The following COL4A5 variants were observed in gnomAD, a reference collection of about 807,000 sequenced individuals.
COL4A5 encodes collagen alpha-5(IV) chain.
Under a neutral mutation model 130.2 loss-of-function variants are expected in COL4A5, and 26 were observed. That is an observed-to-expected ratio of 0.20 (90% CI 0.15 to 0.28). COL4A5 has a LOEUF of 0.28. Among genes scored for constraint, COL4A5 ranks in the 10% least tolerant of loss-of-function variants. COL4A5 has a pLI of 1.00. For missense variants in COL4A5, 1,131 were observed against 1,344.3 expected, an observed-to-expected ratio of 0.84 and a Z score of 2.48; for synonymous variants, 496 against 439.6, an observed-to-expected ratio of 1.13 and a Z score of -1.60.
chrX:108,533,057 C>A (rs1184000272), intron 1 of COL4A5, among the ~76,000 whole-genome samples: 5 of 111,301 alleles, frequency 4.5e-5, no homozygotes, highest in African/African-American at 1.6e-4. Flanking sequence ...TATATGAAAC[C>A]AAAAAAGAGC....
At chrX:108,569,902 G>A (rs2066034389) in intron 6 of COL4A5, among the ~76,000 whole-genome samples, 2 of 110,838 alleles carry the variant, frequency 1.8e-5, no homozygotes, top group Non-Finnish European at 1.9e-5. Context: ...GGCTGGTCTC[G>A]AATTCCTGAC....
intron 25 of COL4A5, among the ~76,000 whole-genome samples, chrX:108,599,694 C>T (rs1250967048): frequency 8.9e-6 from 1 of 111,826 alleles, no homozygotes; most frequent in Non-Finnish European, 1.9e-5. Flanking sequence ...CAGCCTACCA[C>T]CTGTTATAAA....
chrX:108,483,614 T>G lies in COL4A5; in HGVS notation c.81+43408T>G, dbSNP rs761210782. Among the ~76,000 whole-genome samples, 5 of 112,097 alleles carry G rather than the reference T, an allele frequency of 4.5e-5. No individual in the cohort carries two copies. In the Admixed American group the frequency reaches 4.7e-4, roughly 11 times the overall value. On this transcript the variant is annotated intron_variant, in intron 1 of 52. Transcript: ENST00000328300. ...AATCCAATCAAGTTGACACTCAGTA[T>G]TAACCATCAAAGATGTCTACCTAGG...
At chrX:108,498,087 G>T (rs1033058179) in intron 1 of COL4A5, among the ~76,000 whole-genome samples, 12 of 111,259 alleles carry the variant, frequency 1.1e-4, no homozygotes, top group Non-Finnish European at 1.1e-4. Context: ...CTATGCCAAG[G>T]TCACAAAGCT....
In COL4A5 at chrX:108,495,878, A is replaced by C. The variant is rs144272598; in HGVS notation, c.82-43868A>C. On this transcript the variant is annotated intron_variant, in intron 1 of 52. Coordinates refer to ENST00000328300, the MANE Select transcript of COL4A5 (RefSeq NM_033380.3). ...TCCACTCACCAAGACCAAACTGGCT[A>C]TAGCCATTGCTGGATGTCCAATCTG... is the stretch of plus-strand genomic sequence containing the variant. 6.0e-3 allele frequency among the ~76,000 whole-genome samples: 670 copies of C among 112,476 alleles called. 1 individual carries two copies. The highest frequency in any genetic ancestry group is 0.037 in the East Asian group (132 of 3,586).
chrX:108,677,008 A>G (rs1008854074), intron 43 of COL4A5: 2 of 112,124 alleles, frequency 1.8e-5, no homozygotes, highest in Non-Finnish European at 3.8e-5. Flanking sequence ...AAGGAGTTCA[A>G]TCTATAACTG....
intron 49 of COL4A5, 23 bp from the exon 50 acceptor site, chrX:108,692,725 G>T: frequency 8.3e-7 from 1 of 1,206,551 alleles, no homozygotes; most frequent in Non-Finnish European, 1.1e-6. Flanking sequence ...GTCCTTTACT[G>T]TTTTCTCTCC....
At chrX:108,595,696 C>G (rs1298526832) in intron 22 of COL4A5, 95 bp downstream of exon 22, 2 of 664,104 alleles carry the variant, frequency 3.0e-6, no homozygotes, top group African/African-American at 4.4e-5. Flanking sequence ...CATTTTATAA[C>G]TAGTCACTCA....
In COL4A5 at chrX:108,697,456, G is replaced by T. The variant is rs1379690948; in HGVS notation, c.*1078G>T. On this transcript the variant is annotated 3_prime_UTR_variant, in exon 53 of 53. Coordinates refer to ENST00000328300, the MANE Select transcript of COL4A5 (RefSeq NM_033380.3). ...AATATTTTGTTATAAATACTCACAG[G>T]ATACCTTATTTCCCTAGCTATCATC... is the stretch of plus-strand genomic sequence containing the variant. 4.5e-5 allele frequency: 5 copies of T among 110,395 alleles called. No individual in the cohort carries two copies. Among genetic ancestry groups the T allele is most frequent in the Non-Finnish European group, 7.6e-5 (4 of 52,843 alleles). The allele number at this position is 110,395 out of a possible 1,213,427, so 9.1% of individuals were successfully genotyped here. A position where few individuals can be genotyped will look rare whatever the true frequency, so the allele number is the denominator to read the frequency against.
Position 108,615,013 on chromosome X carries a change from T to C in COL4A5, c.2498T>C (p.Ile833Thr). ...PPGPPGIPGP[I>T]GQPGLHGIPG... The stretch of plus-strand genomic sequence containing the variant: ...GGACCACCAGGGATTCCTGGGCCAA[T>C]AGGTCAACCTGGTAAGATTAGAGTA... The change falls in exon 30 of 53, where the codon ATA (isoleucine) becomes ACA (threonine). Residue 833 changes from isoleucine to threonine, a missense_variant. Ile to Thr is a moderately conservative substitution (Grantham distance 89, BLOSUM62 -1). Coordinates refer to ENST00000328300, the MANE Select transcript of COL4A5 (RefSeq NM_033380.3). 8.4e-7 allele frequency: 1 copy of C among 1,186,937 alleles called. No homozygotes were observed. Among genetic ancestry groups the C allele is most frequent in the Non-Finnish European group, 1.1e-6 (1 of 873,139 alleles).
chrX:108,658,323 ATTATCT>A (rs958087711), intron 37 of COL4A5, among the ~76,000 whole-genome samples: 4 of 111,161 alleles, frequency 3.6e-5, no homozygotes, highest in African/African-American at 9.8e-5. Context: ...TACTGTACAC[ATTATCT>A]TTAAGTATTG....
chrX:108,666,547 C>A lies in COL4A5; in HGVS notation c.3506C>A (p.Pro1169His). 1 of 1,209,014 alleles carries A rather than the reference C, an allele frequency of 8.3e-7. No homozygotes were observed. The highest frequency in any genetic ancestry group is 1.7e-5 in the African/African-American group (1 of 57,773). Reference sequence around the variant, plus strand: ...GGGCCTCCAGGCGAAAAAGGCAAACCCGGTCAAGATGGTATTCCTGGACCA... The same window carrying A: ...GGGCCTCCAGGCGAAAAAGGCAAACACGGTCAAGATGGTATTCCTGGACCA... ...QPGPPGEKGK[P>H]GQDGIPGPAG... Residue 1169 changes from proline (P) to histidine (H), a missense_variant, in exon 39 of 53, where the codon CCC becomes CAC. By Grantham distance (77) the Pro-to-His change is moderately conservative. Coordinates refer to ENST00000328300, the MANE Select transcript of COL4A5 (RefSeq NM_033380.3).
At chrX:108,516,061 A>G (rs1012712946) in intron 1 of COL4A5, among the ~76,000 whole-genome samples, 1 of 111,964 alleles carries the variant, frequency 8.9e-6, no homozygotes, top group Admixed American at 9.5e-5. Flanking sequence ...TAAAGATCAT[A>G]TTAGCTCTTT....
At chrX:108,497,929 A>G (rs932748988) in intron 1 of COL4A5, among the ~76,000 whole-genome samples, 1 of 111,650 alleles carries the variant, frequency 9.0e-6, no homozygotes, top group Non-Finnish European at 1.9e-5. Context: ...TTATATGTAC[A>G]TTTCACAAAA....
At chrX:108,440,883 T>G (rs767398952) in intron 1 of COL4A5, among the ~76,000 whole-genome samples, 2 of 112,022 alleles carry the variant, frequency 1.8e-5, no homozygotes, top group South Asian at 3.8e-4. Context: ...ATGGGTTTTT[T>G]TGTTTGTTTA....
chrX:108,440,350 TTATTTGC>T (rs921198661), intron 1 of COL4A5, 144 bp downstream of exon 1: 20 of 479,724 alleles, frequency 4.2e-5, no homozygotes, highest in Non-Finnish European at 5.4e-5. Flanking sequence ...GGAAGAAACG[TTATTTGC>T]AACACCGGTA....
intron 1 of COL4A5, among the ~76,000 whole-genome samples, chrX:108,443,876 G>C (rs2064425856): frequency 9.0e-6 from 1 of 111,533 alleles, no homozygotes; most frequent in Non-Finnish European, 1.9e-5. Flanking sequence ...GATGATTCTG[G>C]CTTGAATAAA....
chrX:108,641,883 C>G (rs1225308080), intron 36 of COL4A5, among the ~76,000 whole-genome samples: 3 of 111,712 alleles, frequency 2.7e-5, no homozygotes, highest in African/African-American at 9.8e-5. Context: ...GGCGAGAAGC[C>G]TCCTGGCCAG....
chrX:108,671,901 G>T (rs1603311875), intron 42 of COL4A5, among the ~76,000 whole-genome samples: 2 of 112,062 alleles, frequency 1.8e-5, no homozygotes, highest in African/African-American at 6.5e-5. Context: ...AGAGGAGCCT[G>T]TCTAAAGTTT....
Sources: allele counts gnomAD v4.1 joint callset (sites outside exome capture counted in the v4.1 genomes callset), GRCh38; gene constraint gnomAD v4.1.1; transcripts MANE v1.5; gene names NCBI Gene and HGNC (gene_info 2026-07-23, HGNC 2026-07-21).